The following CIZ1 variants were observed in gnomAD, a reference collection of about 807,000 sequenced individuals.
The protein encoded by CIZ1 is CDKN1A interacting zinc finger protein 1, also known as cip1-interacting zinc finger protein.
A neutral mutation model predicts 118.6 loss-of-function variants in CIZ1; 58 were observed. That is an observed-to-expected ratio of 0.49 (90% CI 0.40 to 0.61). The LOEUF is 0.61. Among genes scored for constraint, CIZ1 ranks in the 20% least tolerant of loss-of-function variants. The probability of loss-of-function intolerance (pLI) is 0.00; values close to 1 mark genes in which losing one functional copy is unlikely to be tolerated. For synonymous variants in CIZ1, 448 were observed against 443.4 expected, an observed-to-expected ratio of 1.01 and a Z score of -0.13; for missense variants, 921 against 1,115.9, an observed-to-expected ratio of 0.83 and a Z score of 2.49.
chr9:128,174,581 A>G (rs1001809426), intron 11 of CIZ1, among the ~76,000 whole-genome samples: 3 of 152,254 alleles, frequency 2.0e-5, no homozygotes, highest in Non-Finnish European at 4.4e-5. Context: ...ACCCCCACTG[A>G]TGCAGGAAGA....
At chr9:128,178,245 T>C in intron 9 of CIZ1, 124 bp downstream of exon 9, 1 of 1,189,192 alleles carries the variant, frequency 8.4e-7, no homozygotes, top group Middle Eastern at 2.0e-4. Flanking sequence ...GGCAGAGGGC[T>C]GTCATCCCAT....
At chr9:128,182,087 C>T (rs1350439166) in intron 5 of CIZ1, among the ~76,000 whole-genome samples, 1 of 152,210 alleles carries the variant, frequency 6.6e-6, no homozygotes, top group Non-Finnish European at 1.5e-5. Flanking sequence ...AGGGAAGGGC[C>T]CCCTGTCCAG....
intron 11 of CIZ1, 131 bp downstream of exon 11, chr9:128,176,220 A>T: frequency 8.8e-7 from 1 of 1,140,294 alleles, no homozygotes; most frequent in Non-Finnish European, 1.3e-6. Context: ...TCACACAGTT[A>T]ACAGTGTGAG....
chr9:128,167,968 A>G (rs911126567), intron 14 of CIZ1, among the ~76,000 whole-genome samples: 1 of 152,170 alleles, frequency 6.6e-6, no homozygotes, highest in Non-Finnish European at 1.5e-5. Flanking sequence ...TGATGTGACT[A>G]CTGAGCAATG....
At chr9:128,192,129 C>T (rs1833215360), upstream of CIZ1, among the ~76,000 whole-genome samples, 1 of 152,108 alleles carries the variant, frequency 6.6e-6, no homozygotes, top group Non-Finnish European at 1.5e-5. Flanking sequence ...GGCGCTTCCG[C>T]CTGTAATCTC....
chr9:128,189,656 C>T (rs1421054702), intron 3 of CIZ1, among the ~76,000 whole-genome samples: 1 of 151,836 alleles, frequency 6.6e-6, no homozygotes, highest in Non-Finnish European at 1.5e-5. Context: ...CCCGTCTCTA[C>T]TAAAAATACA....
chr9:128,194,813 T>C (rs1241402024), upstream of CIZ1, among the ~76,000 whole-genome samples: 1 of 151,698 alleles, frequency 6.6e-6, no homozygotes, highest in Non-Finnish European at 1.5e-5. Flanking sequence ...AGCAAAACTG[T>C]CTCAAAACAA....
At position 128,179,495 on chromosome 9, in the gene CIZ1, G is replaced by A. The variant is rs189381165; in HGVS notation, c.792-80C>T. 1.1e-3 allele frequency: 1,429 copies of A among 1,321,420 alleles called. 4 individuals are homozygous for A. Among genetic ancestry groups the A allele is most frequent in the African/African-American group, 7.7e-3 (529 of 68,340 alleles). 81.9% of individuals were successfully genotyped at this position (1,321,420 alleles called of 1,614,324 possible). On this transcript the variant is annotated intron_variant, in intron 7 of 16. Transcript: ENST00000372938. ...TCCCAAGTAAGGCCAAAACTAGGCC[G>A]AGCGTGGTGGCTCGCATCTGTAAAC...
intron 11 of CIZ1, among the ~76,000 whole-genome samples, chr9:128,172,399 C>T (rs1266080986): frequency 1.3e-5 from 2 of 151,750 alleles, no homozygotes; most frequent in Non-Finnish European, 2.9e-5. Flanking sequence ...GAGGCTGAGG[C>T]GGGAGAATTG....
At chr9:128,198,320 C>A (rs1466536821) in intron 1 of CIZ1, 1 of 152,214 alleles carries the variant, frequency 6.6e-6, no homozygotes. Context: ...CCTCTTCATC[C>A]TCCTCTGTCT....
chr9:128,169,725 AAC>A (rs1829900929), intron 12 of CIZ1: 14 of 1,532,826 alleles, frequency 9.1e-6, no homozygotes, highest in Non-Finnish European at 1.2e-5. Flanking sequence ...GGCAGATGGC[AAC>A]ACAGAGACAG....
At chr9:128,175,459 C>A (rs870451) in intron 11 of CIZ1, among the ~76,000 whole-genome samples, 102,835 of 151,936 alleles carry the variant, frequency 0.68, 35,179 homozygotes, top group East Asian at 0.99. Context: ...CCTTGCAGAG[C>A]GAGAGCCCCC....
At chr9:128,185,458 C>G in intron 5 of CIZ1, 89 bp downstream of exon 5, 1 of 817,770 alleles carries the variant, frequency 1.2e-6, no homozygotes, top group Middle Eastern at 3.7e-4. Flanking sequence ...GTGACCTGTC[C>G]GAAGGCCCAG....
At chr9:128,201,764 T>C (rs1462460587) in intron 1 of CIZ1, among the ~76,000 whole-genome samples, 1 of 152,190 alleles carries the variant, frequency 6.6e-6, no homozygotes, top group African/African-American at 2.4e-5. Flanking sequence ...TCTATTATTA[T>C]CCCCATTATC....
Position 128,177,546 on chromosome 9 carries a change from C to CAAAAAAACA in CIZ1, c.1818+19_1818+20insTGTTTTTTT. ...CACGCAGGCCCCACCCCTCCCCACC[C>CAAAAAAACA]TTATCTCCTGTATCAGTACCTGCTG... On this transcript the variant is annotated intron_variant, in intron 10 of 16. Transcript: ENST00000372938. The CAAAAAAACA allele has an allele frequency of 1.5e-6, 2 of 1,353,448 alleles. No homozygotes were observed. The highest frequency in any genetic ancestry group is 2.0e-6 in the Non-Finnish European group (2 of 1,013,750). The allele number at this position is 1,353,448 out of a possible 1,614,324, so 83.8% of individuals were successfully genotyped here.
At chr9:128,184,195 C>T (rs1426266895) in intron 5 of CIZ1, among the ~76,000 whole-genome samples, 1 of 152,188 alleles carries the variant, frequency 6.6e-6, no homozygotes, top group Non-Finnish European at 1.5e-5. Flanking sequence ...CATGCTCTCC[C>T]ACACAGTCAC....
At chr9:128,199,695 G>T (rs1833462972) in intron 1 of CIZ1, among the ~76,000 whole-genome samples, 2 of 151,538 alleles carry the variant, frequency 1.3e-5, no homozygotes, top group African/African-American at 4.9e-5. Context: ...GCTGAGCAAG[G>T]TTTATCTTAT....
At chr9:128,191,758 G>T, upstream of CIZ1, 1 of 1,402,230 alleles carries the variant, frequency 7.1e-7, no homozygotes, top group Non-Finnish European at 9.3e-7. The surrounding 1 kb of genome is among the most constrained non-coding windows in gnomAD (Gnocchi z 5.5). Context: ...TCCGCATCGC[G>T]AAGGGGAGGC....
At position 128,182,929 on chromosome 9, in the gene CIZ1, A is replaced by G. The variant is rs574867752; in HGVS notation, c.589-2115T>C. Among the ~76,000 whole-genome samples, 28 of 151,988 alleles carry G rather than the reference A, an allele frequency of 1.8e-4. 1 individual carries two copies. The South Asian group carries it at 3.9e-3, about 21-fold the overall frequency. ...ATGAGTCATTGCACCCGGCCTCCAC[A>G]GTCTTAATTAATTGGTTGGAGCATT... On this transcript the variant is annotated intron_variant, in intron 5 of 16. Coordinates refer to ENST00000372938, the MANE Select transcript of CIZ1 (RefSeq NM_001131016.2).
Sources: gnomAD v4.1 joint callset for allele counts (sites outside exome capture counted in the v4.1 genomes callset) on GRCh38, gnomAD v4.1.1 for gene constraint, Gnocchi (gnomAD v3.1) non-coding constraint, MANE v1.5 for transcripts, NCBI Gene and HGNC (gene_info 2026-07-23, HGNC 2026-07-21) for gene names.